The following MTHFD2L variants were observed in gnomAD, a reference collection of about 807,000 sequenced individuals.
The protein encoded by MTHFD2L is methylenetetrahydrofolate dehydrogenase (NADP+ dependent) 2 like.
A neutral mutation model predicts 34.9 loss-of-function variants in MTHFD2L; 29 were observed. That is an observed-to-expected ratio of 0.83 (90% CI 0.62 to 1.13). The LOEUF is 1.13. Among genes scored for constraint, MTHFD2L ranks in the 50% most tolerant of loss-of-function variants. The probability of loss-of-function intolerance (pLI) is 0.00; values close to 1 mark genes in which losing one functional copy is unlikely to be tolerated. For missense variants in MTHFD2L, 481 were observed against 446.5 expected (o/e 1.08, Z -0.70); for synonymous variants, 167 against 155.7 (o/e 1.07, Z -0.54).
chr4:74,293,530 G>A (rs1181925023), intron 7 of MTHFD2L: 2 of 984,256 alleles, frequency 2.0e-6, no homozygotes, highest in Non-Finnish European at 2.4e-6. Flanking sequence ...TAGAAAACTT[G>A]TGGAAACCTC....
intron 2 of MTHFD2L, among the ~76,000 whole-genome samples, chr4:74,116,740 A>G (rs1401648005): frequency 6.6e-6 from 1 of 152,238 alleles, no homozygotes; most frequent in Admixed American, 6.5e-5. Flanking sequence ...ATGCTCTTGT[A>G]TGGCCAAAAC....
At chr4:74,231,332 A>AT (rs1237182183) in intron 6 of MTHFD2L, among the ~76,000 whole-genome samples, 1 of 151,856 alleles carries the variant, frequency 6.6e-6, no homozygotes, top group African/African-American at 2.4e-5. Context: ...AGGGTTCGTA[A>AT]TTTTCAGGAA....
upstream of MTHFD2L, among the ~76,000 whole-genome samples, chr4:74,121,636 T>G (rs1048296615): frequency 1.4e-5 from 2 of 145,696 alleles, no homozygotes; most frequent in East Asian, 1.9e-4. Context: ...AATTATTTAA[T>G]TATACATATA....
chr4:74,285,904 T>A (rs965828323), intron 7 of MTHFD2L, among the ~76,000 whole-genome samples: 3 of 152,200 alleles, frequency 2.0e-5, no homozygotes, highest in Non-Finnish European at 4.4e-5. Context: ...TTACAGTTTC[T>A]CACTGTTACT....
At position 74,186,438 on chromosome 4, in the gene MTHFD2L, G is replaced by GAAAA. The variant is rs59325238; in HGVS notation, c.451+11053_451+11056dup. On this transcript the variant is annotated intron_variant, in intron 3 of 7. Transcript: ENST00000325278. ...CCATGGAAAATTCAAGGGAATCCATGAAAAAAAAAAAAAAAAAAAAACAGC... is the reference window on the plus strand; with the variant it reads ...CCATGGAAAATTCAAGGGAATCCATGAAAAAAAAAAAAAAAAAAAAAAAAACAGC... 3.8e-3 allele frequency among the ~76,000 whole-genome samples: 333 copies of GAAAA among 88,076 alleles called. 13 individuals carry two copies. Among genetic ancestry groups the GAAAA allele is most frequent in the Admixed American group, 7.0e-3 (41 of 5,878 alleles). 57.8% of individuals were successfully genotyped at this position (88,076 alleles called of 152,430 possible).
At chr4:74,301,596 G>T in intron 7 of MTHFD2L, 101 bp from the exon 8 acceptor site, 1 of 631,308 alleles carries the variant, frequency 1.6e-6, no homozygotes, top group Non-Finnish European at 2.7e-6. Flanking sequence ...AAAATGATTT[G>T]TATATATAAT....
intron 6 of MTHFD2L, among the ~76,000 whole-genome samples, chr4:74,269,977 A>C (rs1745749370): frequency 6.6e-6 from 1 of 152,192 alleles, no homozygotes; most frequent in Non-Finnish European, 1.5e-5. Context: ...ATGCACAAAG[A>C]TAAAATAGAA....
intron 6 of MTHFD2L, among the ~76,000 whole-genome samples, chr4:74,255,066 C>T (rs377225635): frequency 5.6e-5 from 7 of 124,762 alleles, no homozygotes; most frequent in South Asian, 5.5e-4. Flanking sequence ...ACCAGGGAGG[C>T]GGAGGTTACA....
chr4:74,135,848 A>G (rs1315959974), intron 1 of MTHFD2L, among the ~76,000 whole-genome samples: 1 of 152,196 alleles, frequency 6.6e-6, no homozygotes, highest in Admixed American at 6.5e-5. Flanking sequence ...TATACACGAC[A>G]TTAACAGAAT....
At chr4:74,178,942 G>A (rs1452571398) in intron 3 of MTHFD2L, among the ~76,000 whole-genome samples, 2 of 152,014 alleles carry the variant, frequency 1.3e-5, no homozygotes, top group East Asian at 3.9e-4. Flanking sequence ...TACTCTTACC[G>A]ATTATGTTAG....
chr4:74,134,058 G>A (rs1221214806), intron 1 of MTHFD2L, among the ~76,000 whole-genome samples: 1 of 152,130 alleles, frequency 6.6e-6, no homozygotes, highest in African/African-American at 2.4e-5. Flanking sequence ...TCAACTCATG[G>A]TTTCTGCACT....
At chr4:74,290,227 A>G (rs1340503596) in intron 7 of MTHFD2L, among the ~76,000 whole-genome samples, 1 of 152,204 alleles carries the variant, frequency 6.6e-6, no homozygotes, top group Non-Finnish European at 1.5e-5. Context: ...AGGTCAGGAA[A>G]GGGTTTGGAA....
chr4:74,210,933 A>G (rs1036844931), intron 5 of MTHFD2L, among the ~76,000 whole-genome samples: 2 of 152,004 alleles, frequency 1.3e-5, no homozygotes, highest in Non-Finnish European at 2.9e-5. Flanking sequence ...TAGGTATTTT[A>G]TTCTCTTTGA....
chr4:74,267,894 G>T (rs1434642781), intron 6 of MTHFD2L: 18 of 985,100 alleles, frequency 1.8e-5, no homozygotes, highest in South Asian at 4.7e-5. Context: ...ATCCAATATG[G>T]CACAGAGCAG....
chr4:74,245,731 G>T (rs1345366616), intron 6 of MTHFD2L, among the ~76,000 whole-genome samples: 1 of 151,942 alleles, frequency 6.6e-6, no homozygotes, highest in South Asian at 2.1e-4. Flanking sequence ...CGTGGTGTTT[G>T]GTTTTTTGTC....
At chr4:74,187,733 T>TAC (rs35175417) in intron 3 of MTHFD2L, among the ~76,000 whole-genome samples, 10,877 of 134,180 alleles carry the variant, frequency 0.081, 397 homozygotes, top group Middle Eastern at 0.093. Context: ...AAACGTTAAA[T>TAC]ACACACACAC....
intron 1 of MTHFD2L, among the ~76,000 whole-genome samples, chr4:74,169,332 C>G (rs1382197913): frequency 6.6e-6 from 1 of 152,148 alleles, no homozygotes; most frequent in African/African-American, 2.4e-5. Context: ...CTGACAATCT[C>G]CAGGTCACGC....
intron 5 of MTHFD2L, among the ~76,000 whole-genome samples, chr4:74,203,010 A>G (rs1266198152): frequency 2.0e-5 from 3 of 152,214 alleles, no homozygotes; most frequent in Admixed American, 6.5e-5. Flanking sequence ...TACTTATGAC[A>G]TAATTTTTAA....
At chr4:74,266,232 G>A (rs1428787426) in intron 6 of MTHFD2L, among the ~76,000 whole-genome samples, 1 of 152,122 alleles carries the variant, frequency 6.6e-6, no homozygotes, top group Non-Finnish European at 1.5e-5. Flanking sequence ...ACATGGTAGG[G>A]GCATTTAGTT....
Sources: gnomAD v4.1 joint callset for allele counts (sites outside exome capture counted in the v4.1 genomes callset) on GRCh38, gnomAD v4.1.1 for gene constraint, MANE v1.5 for transcripts, NCBI Gene and HGNC (gene_info 2026-07-23, HGNC 2026-07-21) for gene names.